The following DLL4 variants were observed in gnomAD, a reference collection of about 807,000 sequenced individuals.
The protein encoded by DLL4 is delta-like protein 4.
Under a neutral mutation model 73.6 loss-of-function variants are expected in DLL4, and 7 were observed. The observed-to-expected ratio is 0.10, with a 90% CI of 0.05 to 0.18. The LOEUF is 0.18. Ranked by LOEUF, DLL4 falls within the 10% of genes least tolerant of loss-of-function variation. The pLI is 1.00. For synonymous variants in DLL4, 345 were observed against 374.3 expected, an observed-to-expected ratio of 0.92 and a Z score of 0.90; for missense variants, 614 against 929.9, an observed-to-expected ratio of 0.66 and a Z score of 4.42.
chr15:40,935,477 C>T (rs577226240), intron 8 of DLL4, among the ~76,000 whole-genome samples: 14 of 152,320 alleles, frequency 9.2e-5, no homozygotes, highest in East Asian at 5.8e-4. Context: ...CAGTCAGAGC[C>T]CTGCTCCTGG....
chr15:40,930,019 C>T lies in DLL4; in HGVS notation c.239C>T (p.Ser80Phe), dbSNP rs1412205978. Residue 80 changes from serine (S) to phenylalanine (F), a missense_variant, in exon 2 of 11, where the codon TCC becomes TTC. By Grantham distance (155) the Ser-to-Phe change is radical. This residue lies in a region of DLL4 where 227 missense variants were observed against 370.8 expected (regional missense o/e 0.61). Coordinates refer to ENST00000249749, the MANE Select transcript of DLL4 (RefSeq NM_019074.4). The surrounding 1 kb of genome is among the most constrained non-coding windows in gnomAD (Gnocchi z 5.7). ...GGACCCTGCACCTTCGGGACCGTCTCCACGCCGGTATTGGGCACCAACTCC... is the reference window on the plus strand; with the variant it reads ...GGACCCTGCACCTTCGGGACCGTCTTCACGCCGGTATTGGGCACCAACTCC... ...SPGPCTFGTV[S>F]TPVLGTNSFA... 2 of 1,612,792 alleles carry T rather than the reference C, an allele frequency of 1.2e-6. No individual in the cohort carries two copies. Among genetic ancestry groups the T allele is most frequent in the Non-Finnish European group, 8.5e-7 (1 of 1,179,688 alleles).
At chr15:40,931,088 C>T (rs1043357642) in intron 3 of DLL4, 6 of 367,332 alleles carry the variant, frequency 1.6e-5, no homozygotes, top group African/African-American at 1.2e-4. Context: ...AAAAGAAAAC[C>T]ATTACCCACC....
In DLL4 at chr15:40,938,035, GGCAGGA is replaced by G; in HGVS notation, c.*4_*9del. ...GCCTTCCGCTTGCTCCCAGGTATAA[GGCAGGA>G]GCCTACCTGGACATCCCTGCTCAGC... is the stretch of plus-strand genomic sequence containing the variant. On this transcript the variant is annotated 3_prime_UTR_variant, in exon 11 of 11. Transcript: ENST00000249749. 4.4e-6 allele frequency: 7 copies of G among 1,585,654 alleles called. No homozygotes were observed. The highest frequency in any genetic ancestry group is 6.0e-6 in the Non-Finnish European group (7 of 1,167,548).
chr15:40,930,693 C>A lies in DLL4; in HGVS notation c.394+11C>A. 1 of 1,613,148 alleles carries A rather than the reference C, an allele frequency of 6.2e-7. No individual in the cohort carries two copies. On this transcript the variant is annotated intron_variant, in intron 3 of 10. Transcript: ENST00000249749. This position sits in a 1 kb window ranked among gnomAD's most constrained non-coding sequence, Gnocchi z 5.7. ...ACGACCTGCGGCCAGGTGAGTAGCT[C>A]GCTCCGCCACCACAGGGGGGCGACA...
rs745353006 is a variant in DLL4, at chr15:40,930,681, A to C, written c.393A>C (p.Pro131=). The C allele has an allele frequency of 1.2e-6, 2 of 1,613,568 alleles. No homozygotes were observed. The highest frequency in any genetic ancestry group is 8.5e-7 in the Non-Finnish European group (1 of 1,179,784). ...AWHAPGDDLR[P]EALPPDALIS... ...ACGCGCCAGGAGACGACCTGCGGCC[A>C]GGTGAGTAGCTCGCTCCGCCACCAC... The change falls in exon 3 of 11, where the codon CCA becomes CCC. Residue 131 remains proline, a splice_region_variant and synonymous_variant. Transcript: ENST00000249749. This position sits in a 1 kb window ranked among gnomAD's most constrained non-coding sequence, Gnocchi z 5.7.
In DLL4 at chr15:40,929,609, C is replaced by T; in HGVS notation, c.-60C>T. The T allele has an allele frequency of 1.4e-6, 2 of 1,408,762 alleles. No individual in the cohort carries two copies. Among genetic ancestry groups the T allele is most frequent in the Non-Finnish European group, 1.9e-6 (2 of 1,072,680 alleles). The allele number at this position is 1,408,762 out of a possible 1,614,324, so 87.3% of individuals were successfully genotyped here. ...GCCGGCTGGCGGACGCGCGGGAAAGCGGCGTCGCGAACAGAGCCAGATTGA... is the reference window on the plus strand; with the variant it reads ...GCCGGCTGGCGGACGCGCGGGAAAGTGGCGTCGCGAACAGAGCCAGATTGA... On this transcript the variant is annotated 5_prime_UTR_variant, in exon 1 of 11. Transcript: ENST00000249749. The surrounding 1 kb of genome is among the most constrained non-coding windows in gnomAD (Gnocchi z 7.1).
chr15:40,938,119 G>C lies in DLL4; in HGVS notation c.*85G>C. On this transcript the variant is annotated 3_prime_UTR_variant, in exon 11 of 11. Transcript: ENST00000249749. ...GTTTACATTGCATCCTGGATGGGACGTTTTTCATATGCAACGTGCTGCTCT... is the reference window on the plus strand; with the variant it reads ...GTTTACATTGCATCCTGGATGGGACCTTTTTCATATGCAACGTGCTGCTCT... 7.1e-7 allele frequency: 1 copy of C among 1,400,398 alleles called. No homozygotes were observed. The highest frequency in any genetic ancestry group is 9.4e-7 in the Non-Finnish European group (1 of 1,058,284). 86.7% of individuals were successfully genotyped at this position (1,400,398 alleles called of 1,614,324 possible).
rs764616123 is a variant in DLL4, at chr15:40,930,155, C to T, written c.336+39C>T. ...GGGCGCACTGGGAGGTCGCAGAAGC[C>T]GAGAGAGGAGGCGCCCTGGGACCAA... On this transcript the variant is annotated intron_variant, in intron 2 of 10. Coordinates refer to ENST00000249749, the MANE Select transcript of DLL4 (RefSeq NM_019074.4). The surrounding 1 kb of genome is among the most constrained non-coding windows in gnomAD (Gnocchi z 5.7). 2 of 1,589,538 alleles carry T rather than the reference C, an allele frequency of 1.3e-6. No individual in the cohort carries two copies. Among genetic ancestry groups the T allele is most frequent in the African/African-American group, 1.3e-5 (1 of 74,444 alleles).
intron 10 of DLL4, 53 bp from the exon 11 acceptor site, chr15:40,937,976 G>C: frequency 6.3e-7 from 1 of 1,595,594 alleles, no homozygotes; most frequent in Non-Finnish European, 8.5e-7. Context: ...AGGGCCTGGA[G>C]GGAGTGCGCA....
In DLL4 at chr15:40,936,573, G is replaced by T; in HGVS notation, c.1586G>T (p.Trp529Leu). The part of the protein sequence containing the change: ...FPVGLPPSFP[W>L]VAVSLGVGLA... The stretch of plus-strand genomic sequence containing the variant: ...GTGGGCTTGCCGCCCAGCTTCCCCT[G>T]GGTGGCCGTCTCGCTGGGTGTGGGG... The change falls in exon 9 of 11, where the codon TGG (tryptophan) becomes TTG (leucine). Residue 529 changes from tryptophan to leucine, a missense_variant. Physicochemically the swap from Trp to Leu is moderately conservative, Grantham distance 61 (BLOSUM62 -2). Transcript: ENST00000249749. 6.2e-7 allele frequency: 1 copy of T among 1,609,320 alleles called. No individual in the cohort carries two copies. Among genetic ancestry groups the T allele is most frequent in the South Asian group, 1.1e-5 (1 of 90,658 alleles).
chr15:40,936,486 C>T lies in DLL4; in HGVS notation c.1499C>T (p.Ser500Phe). 6.2e-7 allele frequency: 1 copy of T among 1,610,572 alleles called. No homozygotes were observed. The highest frequency in any genetic ancestry group is 1.7e-5 in the Admixed American group (1 of 59,862). The change falls in exon 9 of 11, where the codon TCC (serine) becomes TTC (phenylalanine). Residue 500 changes from serine (S) to phenylalanine (F), a missense_variant. By Grantham distance (155) the Ser-to-Phe change is radical. Coordinates refer to ENST00000249749, the MANE Select transcript of DLL4 (RefSeq NM_019074.4). ...FNRATCYTDL[S>F]TDTFVCNCPY... ...AGGGCCACCTGCTACACCGACCTCT[C>T]CACAGACACCTTTGTGTGCAACTGC...
At chr15:40,931,933 C>A (rs1892776641) in intron 4 of DLL4, among the ~76,000 whole-genome samples, 167 bp downstream of exon 4, 1 of 152,212 alleles carries the variant, frequency 6.6e-6, no homozygotes, top group African/African-American at 2.4e-5. Flanking sequence ...CCTGTCTCTT[C>A]CCAGTGCTCC....
chr15:40,930,694 G>C lies in DLL4; in HGVS notation c.394+12G>C, dbSNP rs749186207. 1.2e-6 allele frequency: 2 copies of C among 1,612,994 alleles called. No homozygotes were observed. Among genetic ancestry groups the C allele is most frequent in the African/African-American group, 2.7e-5 (2 of 74,918 alleles). ...CGACCTGCGGCCAGGTGAGTAGCTCGCTCCGCCACCACAGGGGGGCGACAC... is the reference window on the plus strand; with the variant it reads ...CGACCTGCGGCCAGGTGAGTAGCTCCCTCCGCCACCACAGGGGGGCGACAC... On this transcript the variant is annotated intron_variant, in intron 3 of 10. Coordinates refer to ENST00000249749, the MANE Select transcript of DLL4 (RefSeq NM_019074.4). This position sits in a 1 kb window ranked among gnomAD's most constrained non-coding sequence, Gnocchi z 5.7.
intron 8 of DLL4, among the ~76,000 whole-genome samples, 165 bp downstream of exon 8, chr15:40,935,282 G>A (rs147382243): frequency 1.3e-3 from 197 of 152,342 alleles, no homozygotes; most frequent in Admixed American, 2.5e-3. Flanking sequence ...CTGTGGAAGC[G>A]GAGCTGGTTA....
At position 40,934,845 on chromosome 15, in the gene DLL4, C is replaced by T. The variant is rs1596194081; in HGVS notation, c.1021-53C>T. The T allele has an allele frequency of 2.0e-5, 32 of 1,592,812 alleles. No homozygotes were observed. The East Asian group carries it at 7.0e-4, about 35-fold the overall frequency. On this transcript the variant is annotated intron_variant, in intron 7 of 10. Coordinates refer to ENST00000249749, the MANE Select transcript of DLL4 (RefSeq NM_019074.4). ...GCAGGTGGAGCCCAGCCTTCAGTCA[C>T]ACATCCCTGCCCCCCAGGGTCTGAC...
intron 6 of DLL4, among the ~76,000 whole-genome samples, chr15:40,932,990 C>T (rs1892790092): frequency 6.6e-6 from 1 of 152,224 alleles, no homozygotes; most frequent in Non-Finnish European, 1.5e-5. Context: ...TGCCTGAACC[C>T]ATGCGGTCTC....
At chr15:40,935,935 T>G (rs1892837490) in intron 8 of DLL4, among the ~76,000 whole-genome samples, 1 of 152,232 alleles carries the variant, frequency 6.6e-6, no homozygotes, top group Non-Finnish European at 1.5e-5. Flanking sequence ...AAGCAGCAAG[T>G]GCCAGATCTC....
chr15:40,937,991 C>G (rs372530128), intron 10 of DLL4, 38 bp from the exon 11 acceptor site: 142 of 1,601,716 alleles, frequency 8.9e-5, no homozygotes, highest in Non-Finnish European at 1.2e-4. Flanking sequence ...TGCGCATGCC[C>G]AGGGTAACCT....
In DLL4 at chr15:40,938,265, A is replaced by C; in HGVS notation, c.*231A>C. On this transcript the variant is annotated 3_prime_UTR_variant, in exon 11 of 11. Transcript: ENST00000249749. ...ATTGGCAGCTGCACCAACCAGAGGA[A>C]CAGAAGAGAAGAGAGATGCCACTGG... is the stretch of plus-strand genomic sequence containing the variant. The C allele has an allele frequency of 2.3e-6, 1 of 431,754 alleles. No homozygotes were observed. Among genetic ancestry groups the C allele is most frequent in the Non-Finnish European group, 4.1e-6 (1 of 246,310 alleles). 26.7% of individuals were successfully genotyped at this position (431,754 alleles called of 1,614,324 possible).
Sources: allele counts gnomAD v4.1 joint callset (sites outside exome capture counted in the v4.1 genomes callset), GRCh38; gene constraint gnomAD v4.1.1; regional missense constraint gnomAD v4.1.1; non-coding constraint Gnocchi (gnomAD v3.1); transcripts MANE v1.5; gene names NCBI Gene and HGNC (gene_info 2026-07-23, HGNC 2026-07-21).